Variants in PHKA2 observed in about 807,000 individuals in gnomAD.
PHKA2 encodes phosphorylase kinase regulatory subunit alpha 2.
In PHKA2, 31 loss-of-function variants were observed where a neutral mutation model predicts 102.0. The observed-to-expected ratio is 0.30, with a 90% confidence interval of 0.23 to 0.41. The LOEUF is 0.41. Ranked by LOEUF, PHKA2 falls within the 10% of genes least tolerant of loss-of-function variation. PHKA2 has a pLI of 1.00. For synonymous variants in PHKA2, 455 were observed against 416.2 expected, an observed-to-expected ratio of 1.09 and a Z score of -1.13; for missense variants, 858 against 1,023.1, an observed-to-expected ratio of 0.84 and a Z score of 2.20.
At chrX:18,964,327 T>A (rs969137111) in intron 1 of PHKA2, among the ~76,000 whole-genome samples, 1 of 111,980 alleles carries the variant, frequency 8.9e-6, no homozygotes, top group Non-Finnish European at 1.9e-5. Context: ...GGCCTTTGGT[T>A]CCCTTTCCTT....
intron 30 of PHKA2, 100 bp downstream of exon 30, chrX:18,897,063 T>C (rs1242403546): frequency 4.2e-6 from 4 of 963,420 alleles, no homozygotes; most frequent in Non-Finnish European, 4.5e-6. Flanking sequence ...AGAGAAGCCA[T>C]CCTCAGGGCT....
At chrX:18,906,419 C>T (rs1474242333) in intron 25 of PHKA2, 76 bp downstream of exon 25, 6 of 1,153,866 alleles carry the variant, frequency 5.2e-6, no homozygotes, top group African/African-American at 1.8e-5. Context: ...AGCAGTTCTT[C>T]CCCTGAGAGT....
At chrX:18,901,908 T>C (rs1394886415) in intron 26 of PHKA2, among the ~76,000 whole-genome samples, 1 of 110,092 alleles carries the variant, frequency 9.1e-6, no homozygotes, top group Non-Finnish European at 1.9e-5. Context: ...AGTGGCATGA[T>C]CTCGGCTCAC....
At chrX:18,947,018 T>G (rs1202997648) in intron 5 of PHKA2, among the ~76,000 whole-genome samples, 1 of 110,771 alleles carries the variant, frequency 9.0e-6, no homozygotes, top group Non-Finnish European at 1.9e-5. Context: ...AGGGCAAGAT[T>G]GCCTCTCGTT....
At chrX:18,955,832 G>A (rs2048765769) in intron 1 of PHKA2, among the ~76,000 whole-genome samples, 2 of 111,861 alleles carry the variant, frequency 1.8e-5, no homozygotes, top group Admixed American at 1.9e-4. Context: ...ACAAATCTAT[G>A]CCCTCTATCA....
intron 26 of PHKA2, among the ~76,000 whole-genome samples, chrX:18,902,621 C>T (rs1010706103): frequency 1.0e-4 from 11 of 109,568 alleles, no homozygotes; most frequent in Admixed American, 4.8e-4. Context: ...ATTAGCTGGG[C>T]GTGGTGGCAC....
At chrX:18,930,889 T>C (rs2048303405) in intron 12 of PHKA2, among the ~76,000 whole-genome samples, 1 of 110,642 alleles carries the variant, frequency 9.0e-6, no homozygotes, top group Non-Finnish European at 1.9e-5. Flanking sequence ...CCCTTCTGCC[T>C]TTTCTAGAGC....
At chrX:18,923,615 G>C (rs1009687350) in intron 17 of PHKA2, among the ~76,000 whole-genome samples, 4 of 112,280 alleles carry the variant, frequency 3.6e-5, no homozygotes. Context: ...TCTGCTGTGA[G>C]GGCTCTAAGG....
chrX:18,958,544 A>G (rs1291546727), intron 1 of PHKA2, among the ~76,000 whole-genome samples: 3 of 109,281 alleles, frequency 2.7e-5, no homozygotes, highest in African/African-American at 1.0e-4. Context: ...ATTTTTTGTC[A>G]GTCTGATGGA....
At chrX:18,923,866 C>T (rs997133741) in intron 17 of PHKA2, among the ~76,000 whole-genome samples, 190 bp downstream of exon 17, 6 of 111,703 alleles carry the variant, frequency 5.4e-5, no homozygotes, top group Non-Finnish European at 9.4e-5. Context: ...AGATATCAGC[C>T]GAGTGCTGTT....
chrX:18,963,355 T>C (rs1431524557), intron 1 of PHKA2, among the ~76,000 whole-genome samples: 1 of 112,235 alleles, frequency 8.9e-6, no homozygotes, highest in Non-Finnish European at 1.9e-5. Flanking sequence ...AAGCTTGCTT[T>C]CTGTGGAGGC....
At chrX:18,894,129 C>T (rs971494121) in intron 32 of PHKA2, 75 bp downstream of exon 32, 1 of 947,676 alleles carries the variant, frequency 1.1e-6, no homozygotes, top group Non-Finnish European at 1.5e-6. Context: ...CGAGTATATT[C>T]TTTCCTATTG....
At chrX:18,894,637 C>A (rs773490306) in intron 31 of PHKA2, 26 of 443,197 alleles carry the variant, frequency 5.9e-5, no homozygotes, top group Middle Eastern at 6.0e-4. Context: ...ACCCTTCCCC[C>A]CATCGACTAC....
At chrX:18,917,574 T>C (rs2087669775) in intron 19 of PHKA2, among the ~76,000 whole-genome samples, 1 of 111,989 alleles carries the variant, frequency 8.9e-6, no homozygotes, top group Admixed American at 9.6e-5. Context: ...AATGTATTTT[T>C]AATCTAGAAT....
rs2048213480 is a variant in PHKA2 at position 18,926,531 on chromosome X, T to C, written c.1381A>G (p.Asn461Asp). 1 of 1,203,431 alleles carries C rather than the reference T, an allele frequency of 8.3e-7. No individual in the cohort carries two copies. Among genetic ancestry groups the C allele is most frequent in the East Asian group, 3.0e-5 (1 of 33,812 alleles). ...TGAATGTCCGCGATACTCTGGACGT[T>C]CACCCCGTGTTTCCTCAATAAGTCC... ...IKDLLRKHGV[N>D]VQSIADIHPI... The change falls in exon 14 of 33, where the codon AAC (asparagine) becomes GAC (aspartate). Residue 461 changes from asparagine (N) to aspartate (D), a missense_variant. Asn to Asp is a conservative substitution (Grantham distance 23). Coordinates refer to ENST00000379942, the MANE Select transcript of PHKA2 (RefSeq NM_000292.3).
Position 18,893,629 on chromosome X carries a change from C to T in PHKA2, c.3564G>A (p.Leu1188=). The T allele has an allele frequency of 8.3e-7, 1 of 1,211,729 alleles. No individual in the cohort carries two copies. Among genetic ancestry groups the T allele is most frequent in the African/African-American group, 1.7e-5 (1 of 57,902 alleles). ...AGATTCCTGTGGCTTGGTCTTTCTCCAGGGTGTCCATGGCACCAATTGACA... is the reference window on the plus strand; with the variant it reads ...AGATTCCTGTGGCTTGGTCTTTCTCTAGGGTGTCCATGGCACCAATTGACA... ...DQVSIGAMDT[L]EKDQATGICH... Residue 1188 remains leucine (L), a synonymous_variant, in exon 33 of 33, where the codon CTG becomes CTA. Transcript: ENST00000379942.
chrX:18,913,362 A>G (rs2047961041), intron 19 of PHKA2, among the ~76,000 whole-genome samples: 1 of 112,068 alleles, frequency 8.9e-6, no homozygotes, highest in Non-Finnish European at 1.9e-5. Flanking sequence ...GACTTTTGTA[A>G]TAACAGCTTA....
At chrX:18,975,967 C>CTTTTTTTTTTTT (rs200764030) in intron 1 of PHKA2, among the ~76,000 whole-genome samples, 1 of 63,021 alleles carries the variant, frequency 1.6e-5, no homozygotes. Flanking sequence ...AAGTCAAATT[C>CTTTTTTTTTTTT]TTTTTTTTTT....
In PHKA2 at chrX:18,895,209, C is replaced by T. The variant is rs369406715; in HGVS notation, c.3283-18G>A. On this transcript the variant is annotated intron_variant, in intron 30 of 32. Transcript: ENST00000379942. ...CCGTGGCACTGGAGGCAGAATAGAG[C>T]GCATTTCAGTCAGATTCCAGAATGG... The T allele has an allele frequency of 3.6e-5, 43 of 1,201,403 alleles. No homozygotes were observed. Among genetic ancestry groups the T allele is most frequent in the South Asian group, 2.8e-4 (16 of 56,581 alleles).
Sources: gnomAD v4.1 joint callset for allele counts (sites outside exome capture counted in the v4.1 genomes callset) on GRCh38, gnomAD v4.1.1 for gene constraint, MANE v1.5 for transcripts, NCBI Gene and HGNC (gene_info 2026-07-23, HGNC 2026-07-21) for gene names.